The following KCNMA1 variants were observed in gnomAD, a reference collection of about 807,000 sequenced individuals.
The protein encoded by KCNMA1 is Calcium-activated potassium channel subunit alpha-1.
In KCNMA1, 29 loss-of-function variants were observed where a neutral mutation model predicts 140.0. The observed-to-expected ratio is 0.21, with a 90% CI of 0.15 to 0.28. KCNMA1 has a LOEUF of 0.28. Ranked by LOEUF, KCNMA1 falls within the 10% of genes least tolerant of loss-of-function variation. The pLI is 1.00. For missense variants in KCNMA1, 880 were observed against 1,602.2 expected, an observed-to-expected ratio of 0.55 and a Z score of 7.70; for synonymous variants, 612 against 611.9, an observed-to-expected ratio of 1.00 and a Z score of 0.00.
intron 2 of KCNMA1, among the ~76,000 whole-genome samples, chr10:77,366,326 G>C (rs2094358224): frequency 6.6e-6 from 1 of 151,992 alleles, no homozygotes; most frequent in Non-Finnish European, 1.5e-5. Flanking sequence ...CTGCCACCAT[G>C]CCCAGCTAAT....
chr10:76,925,249 T>C (rs1204436181), intron 23 of KCNMA1, among the ~76,000 whole-genome samples: 1 of 152,238 alleles, frequency 6.6e-6, no homozygotes, highest in Non-Finnish European at 1.5e-5. Context: ...AATTTCAATA[T>C]GGCACAGCTT....
rs150422321 is a variant in KCNMA1, at chr10:77,488,428, T to C, written c.379-84405A>G. On this transcript the variant is annotated intron_variant, in intron 1 of 27. Transcript: ENST00000286628. ...TGGCTGCCGGACCCTGAGCACTGAC[T>C]GGTTTGGAGCCTGGTGTCTGGGCTG... Among the ~76,000 whole-genome samples the C allele has an allele frequency of 8.6e-3, 1,314 of 152,218 alleles. 23 individuals are homozygous for C. The highest frequency in any genetic ancestry group is 0.031 in the African/African-American group (1,268 of 41,528).
At chr10:77,026,135 T>C (rs2093436306) in intron 16 of KCNMA1, among the ~76,000 whole-genome samples, 1 of 152,132 alleles carries the variant, frequency 6.6e-6, no homozygotes, top group South Asian at 2.1e-4. Context: ...GTTAGTTTTC[T>C]TAGAATAGTG....
chr10:77,515,025 G>A (rs1454438378), intron 1 of KCNMA1, among the ~76,000 whole-genome samples: 2 of 152,058 alleles, frequency 1.3e-5, no homozygotes, highest in African/African-American at 2.4e-5. Flanking sequence ...GCTCTCACCC[G>A]CTAGCTCTAG....
chr10:77,252,842 A>C lies in KCNMA1; in HGVS notation c.541-1586T>G, dbSNP rs192114623. On this transcript the variant is annotated intron_variant, in intron 2 of 27. Transcript: ENST00000286628. The stretch of plus-strand genomic sequence containing the variant: ...AATCTCCATATAAAGGGAGGTGCTA[A>C]AACAATACACCACTGAGGTTTATTT... 2.6e-5 allele frequency among the ~76,000 whole-genome samples: 4 copies of C among 152,236 alleles called. No individual in the cohort carries two copies. The East Asian group carries it at 7.7e-4, about 29-fold the overall frequency.
At chr10:77,245,931 A>C (rs1181863490) in intron 3 of KCNMA1, among the ~76,000 whole-genome samples, 1 of 152,204 alleles carries the variant, frequency 6.6e-6, no homozygotes, top group Non-Finnish European at 1.5e-5. Flanking sequence ...ATTAGGAAGA[A>C]CTGAATCAAG....
rs932851407 is a variant in KCNMA1 at position 77,506,910 on chromosome 10, G to C, written c.379-102887C>G. Reference sequence around the variant, plus strand: ...GAGAGAGAGCTTTGAAATATGAAGAGAGAGAGTAAAAGACAGATGTTCCTA... The same window carrying C: ...GAGAGAGAGCTTTGAAATATGAAGACAGAGAGTAAAAGACAGATGTTCCTA... On this transcript the variant is annotated intron_variant, in intron 1 of 27. Transcript: ENST00000286628. 2.2e-3 allele frequency among the ~76,000 whole-genome samples: 333 copies of C among 151,938 alleles called. 4 individuals are homozygous for C. The highest frequency in any genetic ancestry group is 3.2e-3 in the Non-Finnish European group (218 of 67,930).
At chr10:77,458,515 G>A (rs992180948) in intron 1 of KCNMA1, among the ~76,000 whole-genome samples, 1 of 152,226 alleles carries the variant, frequency 6.6e-6, no homozygotes, top group Non-Finnish European at 1.5e-5. Flanking sequence ...GGGTTCCCCA[G>A]ACACACATGC....
At chr10:77,581,688 C>T (rs753461268) in intron 1 of KCNMA1, among the ~76,000 whole-genome samples, 1 of 152,224 alleles carries the variant, frequency 6.6e-6, no homozygotes, top group Non-Finnish European at 1.5e-5. Context: ...GCCTTACTCC[C>T]TCCACTCTCA....
At chr10:77,388,713 T>G (rs1417145771) in intron 2 of KCNMA1, among the ~76,000 whole-genome samples, 1 of 152,194 alleles carries the variant, frequency 6.6e-6, no homozygotes, top group East Asian at 1.9e-4. Flanking sequence ...CAGAGGCTGT[T>G]TCTGAGAGTT....
intron 5 of KCNMA1, among the ~76,000 whole-genome samples, chr10:77,141,301 T>A (rs2098164134): frequency 6.6e-6 from 1 of 152,048 alleles, no homozygotes; most frequent in Non-Finnish European, 1.5e-5. Flanking sequence ...ACAGGCTACA[T>A]TATGGACCCC....
chr10:77,271,363 G>A (rs2065078941), intron 2 of KCNMA1, among the ~76,000 whole-genome samples: 1 of 152,042 alleles, frequency 6.6e-6, no homozygotes. Context: ...CATTCTGCTG[G>A]TCCAGGCTAG....
intron 5 of KCNMA1, among the ~76,000 whole-genome samples, chr10:77,129,264 G>A (rs962171790): frequency 1.3e-5 from 2 of 152,142 alleles, no homozygotes; most frequent in African/African-American, 2.4e-5. Flanking sequence ...CTAATGTACA[G>A]CCAGATGATG....
At chr10:77,176,572 G>T (rs1027287868) in intron 5 of KCNMA1, among the ~76,000 whole-genome samples, 1 of 152,014 alleles carries the variant, frequency 6.6e-6, no homozygotes, top group Non-Finnish European at 1.5e-5. Flanking sequence ...ATGAAGCATG[G>T]CCCCAAAGGG....
In KCNMA1 at chr10:77,268,132, G is replaced by C. The variant is rs142967016; in HGVS notation, c.541-16876C>G. Among the ~76,000 whole-genome samples the C allele has an allele frequency of 5.2e-3, 792 of 152,284 alleles. 3 individuals carry two copies. The highest frequency in any genetic ancestry group is 0.018 in the African/African-American group (755 of 41,556). On this transcript the variant is annotated intron_variant, in intron 2 of 27. Transcript: ENST00000286628. ...TAAGTTGCACTTGGGTCCTTGGAGA[G>C]AGGCCTAATACATCCTGACACACTG...
chr10:77,066,124 C>T lies in KCNMA1; in HGVS notation c.1749+6973G>A, dbSNP rs568379481. ...GACTTATGCAGAAGAGTGACAGGATCTGATTCATGCTTGAGAAGGTTGTTC... is the reference window on the plus strand; with the variant it reads ...GACTTATGCAGAAGAGTGACAGGATTTGATTCATGCTTGAGAAGGTTGTTC... On this transcript the variant is annotated intron_variant, in intron 14 of 27. Transcript: ENST00000286628. Among the ~76,000 whole-genome samples the T allele has an allele frequency of 1.6e-3, 239 of 152,228 alleles. 2 individuals are homozygous for T. Among genetic ancestry groups the T allele is most frequent in the African/African-American group, 5.3e-3 (222 of 41,560 alleles).
intron 1 of KCNMA1, among the ~76,000 whole-genome samples, chr10:77,426,621 C>T (rs1180603579): frequency 2.0e-5 from 3 of 152,220 alleles, no homozygotes; most frequent in African/African-American, 7.2e-5. Flanking sequence ...TCTTGCGGAG[C>T]AGAGCTAGTC....
intron 1 of KCNMA1, among the ~76,000 whole-genome samples, chr10:77,416,603 C>T (rs954949531): frequency 6.6e-6 from 1 of 152,128 alleles, no homozygotes; most frequent in South Asian, 2.1e-4. Flanking sequence ...ATGAGTAACC[C>T]GAGAGCAATG....
At chr10:77,458,534 G>T (rs781323681) in intron 1 of KCNMA1, among the ~76,000 whole-genome samples, 2 of 152,230 alleles carry the variant, frequency 1.3e-5, no homozygotes, top group Non-Finnish European at 2.9e-5. Context: ...GCATGGTAGA[G>T]ATTTCAGTGC....
Sources: gnomAD v4.1 joint callset for allele counts (sites outside exome capture counted in the v4.1 genomes callset) on GRCh38, gnomAD v4.1.1 for gene constraint, MANE v1.5 for transcripts, NCBI Gene and HGNC (gene_info 2026-07-23, HGNC 2026-07-21) for gene names.